The following ARHGAP26 variants were observed in gnomAD, a reference collection of about 807,000 sequenced individuals.
The protein encoded by ARHGAP26 is Rho GTPase activating protein 26, also known as rho GTPase-activating protein 26.
A neutral mutation model predicts 104.8 loss-of-function variants in ARHGAP26; 38 were observed. The ratio of observed to expected loss-of-function variants is 0.36; its 90% confidence interval spans 0.28 to 0.48. The LOEUF (loss-of-function observed/expected upper bound fraction) is 0.48. ARHGAP26 is among the 20% of genes least tolerant of loss of function. The pLI, the probability that ARHGAP26 is intolerant of heterozygous loss-of-function variation, is 0.99. For synonymous variants in ARHGAP26, 341 were observed against 340.0 expected (o/e 1.00, Z -0.03); for missense variants, 704 against 947.9 (o/e 0.74, Z 3.38).
chr5:142,812,144 T>G (rs979290524), intron 1 of ARHGAP26, among the ~76,000 whole-genome samples: 2 of 152,040 alleles, frequency 1.3e-5, no homozygotes, highest in Non-Finnish European at 2.9e-5. Flanking sequence ...CTTCCTGTAG[T>G]ATGAGGGTTG....
intron 1 of ARHGAP26, among the ~76,000 whole-genome samples, chr5:142,777,619 C>G (rs1756597473): frequency 6.6e-6 from 1 of 152,170 alleles, no homozygotes; most frequent in African/African-American, 2.4e-5. Flanking sequence ...TTTTTGCCAT[C>G]AGAAGAAGAG....
intron 10 of ARHGAP26, among the ~76,000 whole-genome samples, chr5:142,930,048 T>C (rs1357546017): frequency 6.6e-6 from 1 of 152,026 alleles, no homozygotes; most frequent in East Asian, 1.9e-4. Flanking sequence ...CCAGTTCAGA[T>C]TGAGTAGAGT....
At chr5:142,907,544 G>A (rs1179020878) in intron 8 of ARHGAP26, 160 bp from the exon 9 acceptor site, 1 of 383,842 alleles carries the variant, frequency 2.6e-6, no homozygotes, top group Admixed American at 4.4e-5. Flanking sequence ...TCAGATTTCT[G>A]TCTATTCATT....
chr5:143,181,729 G>C (rs258768), intron 20 of ARHGAP26, among the ~76,000 whole-genome samples: 38,495 of 152,188 alleles, frequency 0.25, 5,937 homozygotes, highest in African/African-American at 0.42. Context: ...CTTTAGCTCC[G>C]CACTTTGGAG....
Position 142,834,180 on chromosome 5 carries a change from A to G in ARHGAP26, c.155-39220A>G, listed in dbSNP as rs140236715. On this transcript the variant is annotated intron_variant, in intron 1 of 22. Coordinates refer to ENST00000645722, the MANE Select transcript of ARHGAP26 (RefSeq NM_001135608.3). ...CTATTTAAATGTAAGCTTAGCATGT[A>G]TCCAGAAAAGTACACAGCTCAGAAA... is the stretch of plus-strand genomic sequence containing the variant. 2.5e-3 allele frequency among the ~76,000 whole-genome samples: 388 copies of G among 152,352 alleles called. 8 individuals carry two copies. Among genetic ancestry groups the G allele is most frequent in the Admixed American group, 0.023 (349 of 15,300 alleles).
chr5:142,996,768 T>A (rs1448007241), intron 11 of ARHGAP26, among the ~76,000 whole-genome samples: 3 of 151,400 alleles, frequency 2.0e-5, no homozygotes, highest in Non-Finnish European at 4.4e-5. Flanking sequence ...TGGAGGGAGG[T>A]TGGGGTTGCA....
Position 143,214,101 on chromosome 5 carries a change from TC to T in ARHGAP26, c.2191+17del. 1.4e-6 allele frequency: 1 copy of T among 729,892 alleles called. No homozygotes were observed. Among genetic ancestry groups the T allele is most frequent in the Non-Finnish European group, 2.1e-6 (1 of 468,308 alleles). The allele number at this position is 729,892 out of a possible 1,614,324, so 45.2% of individuals were successfully genotyped here. A position where few individuals can be genotyped will look rare whatever the true frequency, so the allele number is the denominator to read the frequency against. On this transcript the variant is annotated intron_variant, in intron 22 of 22. Coordinates refer to ENST00000645722, the MANE Select transcript of ARHGAP26 (RefSeq NM_001135608.3). Reference sequence around the variant, plus strand: ...GTCTTCGATAACGGTGAGTTTCTCATCCCCTCACAAAGATATGGGCGGGGGG... The same window carrying T: ...GTCTTCGATAACGGTGAGTTTCTCATCCCTCACAAAGATATGGGCGGGGGG...
At chr5:143,209,218 G>C (rs1314305962) in intron 21 of ARHGAP26, among the ~76,000 whole-genome samples, 1 of 152,106 alleles carries the variant, frequency 6.6e-6, no homozygotes, top group East Asian at 1.9e-4. Flanking sequence ...TCACTTTTTT[G>C]TGACTCTGAG....
intron 12 of ARHGAP26, among the ~76,000 whole-genome samples, chr5:143,022,607 G>A (rs1419179575): frequency 1.3e-5 from 2 of 152,160 alleles, no homozygotes; most frequent in South Asian, 2.1e-4. Flanking sequence ...TTAACCCTTG[G>A]CTTAACACAA....
At chr5:142,815,092 C>T (rs1425755045) in intron 1 of ARHGAP26, among the ~76,000 whole-genome samples, 3 of 152,190 alleles carry the variant, frequency 2.0e-5, no homozygotes, top group African/African-American at 7.2e-5. Context: ...CCTCTGCCTC[C>T]CGGGTTCAAG....
chr5:143,120,179 G>A (rs1326793667), intron 17 of ARHGAP26, among the ~76,000 whole-genome samples: 1 of 152,130 alleles, frequency 6.6e-6, no homozygotes, highest in African/African-American at 2.4e-5. Context: ...TTTATACATG[G>A]GGCCAGCAAG....
chr5:143,209,503 G>A (rs1348800111), intron 21 of ARHGAP26, among the ~76,000 whole-genome samples: 2 of 152,022 alleles, frequency 1.3e-5, no homozygotes, highest in African/African-American at 4.8e-5. Flanking sequence ...AAGGCAGGCC[G>A]GGCACAGTGG....
Position 143,217,157 on chromosome 5 carries a change from A to T in ARHGAP26, c.2191+3069A>T, listed in dbSNP as rs76800666. Among the ~76,000 whole-genome samples the T allele has an allele frequency of 8.7e-3, 1,327 of 152,214 alleles. 17 individuals carry two copies. Among genetic ancestry groups the T allele is most frequent in the African/African-American group, 0.028 (1,170 of 41,530 alleles). On this transcript the variant is annotated intron_variant, in intron 22 of 22. Transcript: ENST00000645722. ...TGTGTGTCTTTTTGTGTGTTTCAGG[A>T]TTAAGAAGAATGAATAAGGAAGAGG...
At chr5:143,076,588 C>T (rs1789061951) in intron 17 of ARHGAP26, among the ~76,000 whole-genome samples, 1 of 152,208 alleles carries the variant, frequency 6.6e-6, no homozygotes, top group Admixed American at 6.5e-5. Context: ...TCTTTTGGCA[C>T]ACCCTGTTCA....
chr5:143,067,830 T>C (rs1427682332), intron 17 of ARHGAP26, among the ~76,000 whole-genome samples: 3 of 152,198 alleles, frequency 2.0e-5, no homozygotes, highest in Non-Finnish European at 4.4e-5. Context: ...ATTAGTTCTT[T>C]GGCTGTAAGC....
At chr5:143,129,201 GT>G (rs1335161414) in intron 18 of ARHGAP26, among the ~76,000 whole-genome samples, 3 of 152,214 alleles carry the variant, frequency 2.0e-5, no homozygotes, top group African/African-American at 7.2e-5. Flanking sequence ...GCAAAGAACA[GT>G]AATTATATTT....
intron 17 of ARHGAP26, among the ~76,000 whole-genome samples, chr5:143,093,294 G>A (rs898650804): frequency 2.6e-5 from 4 of 152,046 alleles, no homozygotes; most frequent in South Asian, 2.1e-4. Context: ...GGCCATCTGC[G>A]GGTTACTAGG....
rs1434117542 is a variant in ARHGAP26 at position 143,224,718 on chromosome 5, T to G, written c.*2272T>G. 1 of 229,208 alleles carries G rather than the reference T, an allele frequency of 4.4e-6. No individual in the cohort carries two copies. Among genetic ancestry groups the G allele is most frequent in the East Asian group, 6.2e-5 (1 of 16,034 alleles). The allele number at this position is 229,208 out of a possible 1,614,324, so 14.2% of individuals were successfully genotyped here. ...TTCTTAGAATGTTCAGTTCTCAATG[T>G]GCTGCTGCTTTCCCTTCTCCTAAAC... is the stretch of plus-strand genomic sequence containing the variant. On this transcript the variant is annotated 3_prime_UTR_variant, in exon 23 of 23. Transcript: ENST00000645722.
At chr5:142,807,778 G>A (rs763336576) in intron 1 of ARHGAP26, among the ~76,000 whole-genome samples, 13 of 152,174 alleles carry the variant, frequency 8.5e-5, no homozygotes, top group African/African-American at 2.4e-4. Context: ...GCTGAGCTGC[G>A]TGCTGCTGGC....
Sources: allele counts gnomAD v4.1 joint callset (sites outside exome capture counted in the v4.1 genomes callset), GRCh38; gene constraint gnomAD v4.1.1; transcripts MANE v1.5; gene names NCBI Gene and HGNC (gene_info 2026-07-23, HGNC 2026-07-21).